The following PLD1 variants were observed in gnomAD, a reference collection of about 807,000 sequenced individuals.
PLD1 encodes the protein phospholipase D1, also known as choline phosphatase 1.
A neutral mutation model predicts 137.1 loss-of-function variants in PLD1; 112 were observed. The ratio of observed to expected loss-of-function variants is 0.82; its 90% CI spans 0.70 to 0.96. The LOEUF is 0.96. Ranked by LOEUF, PLD1 falls within the 40% of genes least tolerant of loss-of-function variation. PLD1 has a pLI of 0.00. For missense variants in PLD1, 1,321 were observed against 1,342.0 expected (o/e 0.98, Z 0.24); for synonymous variants, 431 against 454.7 (o/e 0.95, Z 0.66).
intron 23 of PLD1, among the ~76,000 whole-genome samples, chr3:171,638,613 T>G (rs1032118761): frequency 5.3e-5 from 8 of 152,224 alleles, no homozygotes; most frequent in African/African-American, 1.9e-4. Flanking sequence ...CTTTTCTTTG[T>G]GGGAAGATTA....
intron 23 of PLD1, among the ~76,000 whole-genome samples, chr3:171,624,272 C>A (rs1363258612): frequency 6.6e-6 from 1 of 152,166 alleles, no homozygotes; most frequent in East Asian, 1.9e-4. Context: ...GAAAAGATAT[C>A]CATCTTGACT....
intron 16 of PLD1, among the ~76,000 whole-genome samples, chr3:171,681,893 C>T (rs1714002156): frequency 6.6e-6 from 1 of 152,048 alleles, no homozygotes; most frequent in Non-Finnish European, 1.5e-5. Context: ...CCTGTCTCAA[C>T]TAAATTGCAA....
intron 23 of PLD1, among the ~76,000 whole-genome samples, chr3:171,627,086 C>T (rs1734183780): frequency 6.6e-6 from 1 of 151,984 alleles, no homozygotes; most frequent in African/African-American, 2.4e-5. Context: ...GAGTCAAGAC[C>T]CATCAGTGTG....
intron 1 of PLD1, among the ~76,000 whole-genome samples, chr3:171,747,027 C>G (rs375636191): frequency 1.3e-5 from 2 of 151,978 alleles, no homozygotes; most frequent in Admixed American, 6.6e-5. Context: ...CGAACCCACC[C>G]GGAGAAATGA....
At position 171,710,489 on chromosome 3, in the gene PLD1, C is replaced by T. The variant is rs148635856; in HGVS notation, c.912-780G>A. On this transcript the variant is annotated intron_variant, in intron 9 of 26. Transcript: ENST00000351298. ...CGTGAGGAGCGCGCAGCCGAGATCC[C>T]GCGCATGTGCAATCCACAATAGGGT... Among the ~76,000 whole-genome samples the T allele has an allele frequency of 6.4e-3, 974 of 152,266 alleles. 9 individuals are homozygous for T. The highest frequency in any genetic ancestry group is 0.022 in the African/African-American group (932 of 41,558).
chr3:171,744,714 C>A (rs1720023771), intron 1 of PLD1, among the ~76,000 whole-genome samples: 1 of 152,124 alleles, frequency 6.6e-6, no homozygotes, highest in Admixed American at 6.5e-5. Context: ...TGACATAAAG[C>A]AAAATGGTTA....
chr3:171,798,546 G>C (rs141690757), intron 1 of PLD1, among the ~76,000 whole-genome samples: 197 of 152,332 alleles, frequency 1.3e-3, no homozygotes, highest in African/African-American at 4.6e-3. Flanking sequence ...ACTAGCATGA[G>C]AAAGAGAGAA....
chr3:171,747,465 CCT>C (rs1190913830), intron 1 of PLD1, among the ~76,000 whole-genome samples: 1 of 148,560 alleles, frequency 6.7e-6, no homozygotes, highest in Non-Finnish European at 1.5e-5. Flanking sequence ...CTCTTCTCTT[CCT>C]CTCTTTTTTT....
rs776355453 is a variant in PLD1 at position 171,662,091 on chromosome 3, A to G, written c.2309T>C (p.Ile770Thr). The G allele has an allele frequency of 6.2e-7, 1 of 1,611,598 alleles. No homozygotes were observed. The highest frequency in any genetic ancestry group is 2.2e-5 in the East Asian group (1 of 44,872). ...ESIHAAYVHV[I>T]ENSRHYIYIE... ...ATAGATATAGTGCCTGCTGTTCTCT[A>G]TCACATGGACGTAAGCGGCGTGGAT... Residue 770 changes from isoleucine to threonine, a missense_variant, in exon 20 of 27, where the codon ATA (isoleucine) becomes ACA (threonine). By Grantham distance (89) the Ile-to-Thr change is moderately conservative (BLOSUM62 -1). Transcript: ENST00000351298.
chr3:171,689,771 G>A (rs1291454074), intron 13 of PLD1, among the ~76,000 whole-genome samples: 1 of 152,144 alleles, frequency 6.6e-6, no homozygotes, highest in East Asian at 1.9e-4. Context: ...CAAAGCGCTG[G>A]GACTACATGC....
In PLD1 at chr3:171,625,601, C is replaced by T. The variant is rs376217285; in HGVS notation, c.2594-5081G>A. ...TGAGAAGCTAACTGGGAGGCACCCC[C>T]CCGTAGGTGCAGACTGACACCTCAC... On this transcript the variant is annotated intron_variant, in intron 23 of 26. Transcript: ENST00000351298. 3.0e-4 allele frequency among the ~76,000 whole-genome samples: 46 copies of T among 152,334 alleles called. No homozygotes were observed. The South Asian group carries it at 8.3e-3, about 27-fold the overall frequency.
rs573622443 is a variant in PLD1, at chr3:171,773,969, C to T, written c.-31-35887G>A. ...TTCACCGTGTTAGCCAGGATGGTCT[C>T]GATCTCCTGACCTCATGATCCGCCC... is the stretch of plus-strand genomic sequence containing the variant. On this transcript the variant is annotated intron_variant, in intron 1 of 26. Transcript: ENST00000351298. 6.8e-3 allele frequency among the ~76,000 whole-genome samples: 1,031 copies of T among 152,196 alleles called. 5 individuals are homozygous for T. Among genetic ancestry groups the T allele is most frequent in the Middle Eastern group, 0.014 (4 of 294 alleles).
intron 1 of PLD1, among the ~76,000 whole-genome samples, chr3:171,752,905 G>C (rs1720760093): frequency 6.6e-6 from 1 of 152,136 alleles, no homozygotes; most frequent in Non-Finnish European, 1.5e-5. Flanking sequence ...GTAATGCCTG[G>C]CACACATGAT....
intron 1 of PLD1, among the ~76,000 whole-genome samples, chr3:171,804,529 AAC>A (rs1723769803): frequency 6.6e-6 from 1 of 152,232 alleles, no homozygotes; most frequent in African/African-American, 2.4e-5. Context: ...AAATGACAAA[AAC>A]ACAGTCTGTG....
At chr3:171,674,979 CAAA>C (rs376402019) in intron 18 of PLD1, among the ~76,000 whole-genome samples, 3 of 75,038 alleles carry the variant, frequency 4.0e-5, no homozygotes, top group African/African-American at 1.4e-4. Flanking sequence ...ATCTCCATCT[CAAA>C]AAAAAAAAAA....
At chr3:171,722,726 G>T (rs1351344325) in intron 8 of PLD1, among the ~76,000 whole-genome samples, 1 of 152,024 alleles carries the variant, frequency 6.6e-6, no homozygotes, top group Non-Finnish European at 1.5e-5. Context: ...CCTTTTAAAA[G>T]TTCACAATGC....
chr3:171,721,785 G>GAA (rs903532934), intron 8 of PLD1, among the ~76,000 whole-genome samples: 1 of 140,910 alleles, frequency 7.1e-6, no homozygotes, highest in Non-Finnish European at 1.6e-5. Context: ...CTCCATCTCA[G>GAA]AAAAAAAAAA....
At chr3:171,631,159 G>T (rs1734627646) in intron 23 of PLD1, among the ~76,000 whole-genome samples, 2 of 152,028 alleles carry the variant, frequency 1.3e-5, no homozygotes, top group African/African-American at 4.8e-5. Context: ...AACTACTTTT[G>T]ATTACAGACA....
At chr3:171,738,132 AATGCT>A in intron 1 of PLD1, 50 bp from the exon 2 acceptor site, 1 of 1,108,578 alleles carries the variant, frequency 9.0e-7, no homozygotes, top group African/African-American at 1.6e-5. Context: ...GATAACATAA[AATGCT>A]ATTCCACAAT....
Sources: allele counts gnomAD v4.1 joint callset (sites outside exome capture counted in the v4.1 genomes callset), GRCh38; gene constraint gnomAD v4.1.1; transcripts MANE v1.5; gene names NCBI Gene and HGNC (gene_info 2026-07-23, HGNC 2026-07-21).